Variants in WWC2 observed in about 807,000 individuals in gnomAD.
The protein encoded by WWC2 is protein WWC2.
A neutral mutation model predicts 138.5 loss-of-function variants in WWC2; 101 were observed. The observed-to-expected ratio is 0.73, with a 90% confidence interval of 0.62 to 0.86. The LOEUF (loss-of-function observed/expected upper bound fraction) is 0.86, where lower values mean the gene tolerates loss of function less well. Ranked by LOEUF, WWC2 falls within the 40% of genes least tolerant of loss-of-function variation. The pLI, the probability that WWC2 is intolerant of heterozygous loss-of-function variation, is 0.00. For synonymous variants in WWC2, 558 were observed against 538.4 expected, an observed-to-expected ratio of 1.04 and a Z score of -0.50; for missense variants, 1,420 against 1,419.4, an observed-to-expected ratio of 1.00 and a Z score of -0.01.
At chr4:183,303,313 A>G (rs1289879097) in intron 21 of WWC2, among the ~76,000 whole-genome samples, 1 of 152,192 alleles carries the variant, frequency 6.6e-6, no homozygotes, top group African/African-American at 2.4e-5. Context: ...TGAGCACTTG[A>G]GCCTTTATGA....
At chr4:183,142,131 A>G (rs1174336370) in intron 1 of WWC2, among the ~76,000 whole-genome samples, 1 of 152,144 alleles carries the variant, frequency 6.6e-6, no homozygotes, top group Non-Finnish European at 1.5e-5. Flanking sequence ...AGAAAAGAAC[A>G]TTTTCTGGAC....
At chr4:183,200,287 G>A (rs867987680) in intron 2 of WWC2, among the ~76,000 whole-genome samples, 3 of 152,076 alleles carry the variant, frequency 2.0e-5, no homozygotes, top group Admixed American at 6.5e-5. Flanking sequence ...GAAATATACC[G>A]TGTCCCCAAG....
At chr4:183,210,381 G>T (rs536808722) in intron 4 of WWC2, among the ~76,000 whole-genome samples, 1 of 152,068 alleles carries the variant, frequency 6.6e-6, no homozygotes, top group Non-Finnish European at 1.5e-5. Context: ...TACAACATGA[G>T]GACTATAGGG....
chr4:183,118,884 T>C (rs772794879), intron 1 of WWC2, among the ~76,000 whole-genome samples: 4 of 152,118 alleles, frequency 2.6e-5, no homozygotes, highest in Admixed American at 6.5e-5. Context: ...GTGGTTTGCA[T>C]AGAAGGGTCA....
At position 183,209,061 on chromosome 4, in the gene WWC2, A is replaced by G. The variant is rs540210055; in HGVS notation, c.522+36A>G. ...TTAAATTGTGGTTCTATGTTGACCC[A>G]TATGCATAGAGTCTGAAGGCTGTGG... On this transcript the variant is annotated intron_variant, in intron 4 of 22. Transcript: ENST00000403733. 81 of 1,413,378 alleles carry G rather than the reference A, an allele frequency of 5.7e-5. 1 individual carries two copies. Among genetic ancestry groups the G allele is most frequent in the African/African-American group, 2.7e-4 (19 of 70,248 alleles). 87.6% of individuals were successfully genotyped at this position (1,413,378 alleles called of 1,614,324 possible).
At chr4:183,138,927 A>G (rs1317487636) in intron 1 of WWC2, among the ~76,000 whole-genome samples, 1 of 152,188 alleles carries the variant, frequency 6.6e-6, no homozygotes, top group Non-Finnish European at 1.5e-5. Context: ...GGGATGTACT[A>G]CAGGTAACAG....
At chr4:183,259,489 C>G in intron 9 of WWC2, 150 bp from the exon 10 acceptor site, 1 of 624,890 alleles carries the variant, frequency 1.6e-6, no homozygotes, top group South Asian at 2.2e-5. Context: ...CTGCCCCCCA[C>G]ACTTCTTGCC....
chr4:183,263,547 C>T (rs907279309), intron 11 of WWC2, among the ~76,000 whole-genome samples: 4 of 152,122 alleles, frequency 2.6e-5, no homozygotes, highest in Non-Finnish European at 5.9e-5. Context: ...AAAATACATC[C>T]AAGAGCTTTG....
chr4:183,287,280 A>G (rs1738290853), intron 20 of WWC2, among the ~76,000 whole-genome samples: 1 of 152,200 alleles, frequency 6.6e-6, no homozygotes, highest in Non-Finnish European at 1.5e-5. Flanking sequence ...AGCATTCGTC[A>G]TTTTCAGGAA....
chr4:183,300,535 A>G (rs1013701967), intron 21 of WWC2, among the ~76,000 whole-genome samples: 2 of 152,148 alleles, frequency 1.3e-5, no homozygotes, highest in African/African-American at 4.8e-5. Context: ...ATGATTACAG[A>G]AAAGTATTCA....
At chr4:183,119,107 CT>C (rs1732520022) in intron 1 of WWC2, among the ~76,000 whole-genome samples, 1 of 151,990 alleles carries the variant, frequency 6.6e-6, no homozygotes, top group South Asian at 2.1e-4. Flanking sequence ...GATTATACTC[CT>C]TTGTGCTATT....
chr4:183,267,773 C>A (rs1737552628), intron 14 of WWC2, among the ~76,000 whole-genome samples: 1 of 152,226 alleles, frequency 6.6e-6, no homozygotes, highest in Admixed American at 6.5e-5. Context: ...AATGTGCAGG[C>A]ACTTGTTGAG....
At chr4:183,103,946 T>C (rs1440925211) in intron 1 of WWC2, among the ~76,000 whole-genome samples, 1 of 152,110 alleles carries the variant, frequency 6.6e-6, no homozygotes, top group East Asian at 1.9e-4. Context: ...GCCTTGTCTT[T>C]CTTTCAAAGT....
chr4:183,247,607 A>ATATATGC (rs1560864666), intron 6 of WWC2, among the ~76,000 whole-genome samples: 65 of 136,226 alleles, frequency 4.8e-4, no homozygotes, highest in African/African-American at 1.8e-3. Flanking sequence ...TATATATGCT[A>ATATATGC]TATATACTAT....
At chr4:183,133,893 G>T (rs1303201258) in intron 1 of WWC2, among the ~76,000 whole-genome samples, 9 of 152,142 alleles carry the variant, frequency 5.9e-5, no homozygotes, top group Admixed American at 5.9e-4. Context: ...TGGAATTGTT[G>T]GTGTAATATT....
chr4:183,193,758 C>G (rs762676878), intron 2 of WWC2, 50 bp downstream of exon 2: 4 of 1,401,450 alleles, frequency 2.9e-6, no homozygotes, highest in Non-Finnish European at 4.0e-6. Context: ...AGTAATCCCC[C>G]AAAACCTACA....
chr4:183,181,611 A>T (rs540468616), intron 1 of WWC2, among the ~76,000 whole-genome samples: 1 of 151,564 alleles, frequency 6.6e-6, no homozygotes, highest in South Asian at 2.1e-4. Flanking sequence ...TATTGTAAGG[A>T]TACAGTATAT....
In WWC2 at chr4:183,319,408, T is replaced by C; in HGVS notation, c.*3679T>C. On this transcript the variant is annotated 3_prime_UTR_variant, in exon 23 of 23. Transcript: ENST00000403733. ...CTAGAAGATAAAAATGGTTTACCAG[T>C]CTTGGAAAGAAACTATAGTTTAATA... 1 of 882,520 alleles carries C rather than the reference T, an allele frequency of 1.1e-6. No homozygotes were observed. The highest frequency in any genetic ancestry group is 1.7e-6 in the Non-Finnish European group (1 of 574,418). The allele number at this position is 882,520 out of a possible 1,614,324, so 54.7% of individuals were successfully genotyped here. A position where few individuals can be genotyped will look rare whatever the true frequency, so the allele number is the denominator to read the frequency against.
In WWC2 at chr4:183,281,049, C is replaced by A; in HGVS notation, c.2684+152C>A. 4.3e-6 allele frequency: 5 copies of A among 1,156,304 alleles called. No individual in the cohort carries two copies. The South Asian group carries it at 8.2e-5, about 19-fold the overall frequency. 71.6% of individuals were successfully genotyped at this position (1,156,304 alleles called of 1,614,324 possible). On this transcript the variant is annotated intron_variant, in intron 17 of 22. Coordinates refer to ENST00000403733, the MANE Select transcript of WWC2 (RefSeq NM_024949.6). ...GTGCTAGGAAAAGTCTTTCCTTGGTCATTAGAGAGTTAAGGAAGTAATGGC... is the reference window on the plus strand; with the variant it reads ...GTGCTAGGAAAAGTCTTTCCTTGGTAATTAGAGAGTTAAGGAAGTAATGGC...
Sources: allele counts gnomAD v4.1 joint callset (sites outside exome capture counted in the v4.1 genomes callset), GRCh38; gene constraint gnomAD v4.1.1; transcripts MANE v1.5; gene names NCBI Gene and HGNC (gene_info 2026-07-23, HGNC 2026-07-21).